Variants in AK9 observed in about 807,000 individuals in gnomAD.
AK9 encodes the protein adenylate kinase domain containing 1.
AK9 carries 191 observed loss-of-function variants against 239.6 expected under a neutral mutation model. That is an observed-to-expected ratio of 0.80 (90% CI 0.71 to 0.90). The LOEUF (loss-of-function observed/expected upper bound fraction) is 0.90, where lower values mean the gene tolerates loss of function less well. AK9 is among the 40% of genes least tolerant of loss of function. AK9 has a pLI of 0.00. For missense variants in AK9, 1,995 were observed against 2,214.7 expected, an observed-to-expected ratio of 0.90 and a Z score of 1.99; for synonymous variants, 689 against 721.0, an observed-to-expected ratio of 0.96 and a Z score of 0.71.
chr6:109,571,524 A>C (rs1787410766), intron 21 of AK9, among the ~76,000 whole-genome samples: 1 of 152,222 alleles, frequency 6.6e-6, no homozygotes, highest in Non-Finnish European at 1.5e-5. Flanking sequence ...AAAAGGAAAT[A>C]CATTAGAATG....
At chr6:109,684,696 A>G (rs1773209727) in intron 1 of AK9, among the ~76,000 whole-genome samples, 1 of 140,600 alleles carries the variant, frequency 7.1e-6, no homozygotes, top group Admixed American at 6.9e-5. Flanking sequence ...AAAATGGTGA[A>G]ACCCCGTCTC....
intron 17 of AK9, among the ~76,000 whole-genome samples, chr6:109,597,542 G>A (rs193004321): frequency 7.4e-4 from 112 of 152,030 alleles, no homozygotes; most frequent in Admixed American, 3.7e-3. Context: ...GTGTGGTGGC[G>A]GGCGCCTGTA....
rs1421916345 is a variant in AK9, at chr6:109,585,143, T to G, written c.2094A>C (p.Lys698Asn). Residue 698 changes from lysine to asparagine, a missense_variant, in exon 19 of 41, where the codon AAA (lysine) becomes AAC (asparagine). Transcript: ENST00000424296. ...ERLLEELQKK[K>N]KEEEEARKAT... ...TTTACCTTGCTTCTTCTTCTTCTTT[T>G]TTTTTCTTTTGTAGTTCTTCTAATA... The G allele has an allele frequency of 8.6e-7, 1 of 1,161,298 alleles. No homozygotes were observed. The highest frequency in any genetic ancestry group is 1.6e-5 in the African/African-American group (1 of 63,180). The allele number at this position is 1,161,298 out of a possible 1,614,324, so 71.9% of individuals were successfully genotyped here.
chr6:109,495,359 A>G lies in AK9; in HGVS notation c.5397T>C (p.Pro1799=). The change falls in exon 39 of 41, where the codon CCT becomes CCC. Residue 1799 remains proline (P), a synonymous_variant. Coordinates refer to ENST00000424296, the MANE Select transcript of AK9 (RefSeq NM_001145128.3). ...LREPILLTSL[P]LPGYLEQGIA... ...GAACCTGTTCCAGATATCCAGGCAAAGGAAGACTAGTAAGAAGTATCGGTT... is the reference window on the plus strand; with the variant it reads ...GAACCTGTTCCAGATATCCAGGCAAGGGAAGACTAGTAAGAAGTATCGGTT... The G allele has an allele frequency of 6.2e-7, 1 of 1,613,480 alleles. No homozygotes were observed. Among genetic ancestry groups the G allele is most frequent in the Non-Finnish European group, 8.5e-7 (1 of 1,179,578 alleles).
intron 1 of AK9, among the ~76,000 whole-genome samples, chr6:109,679,121 T>C (rs1294526528): frequency 6.6e-6 from 1 of 151,872 alleles, no homozygotes; most frequent in Non-Finnish European, 1.5e-5. Flanking sequence ...TTCACTCCCC[T>C]GGAAAGGGGG....
At position 109,564,073 on chromosome 6, in the gene AK9, C is replaced by T. The variant is rs1328300623; in HGVS notation, c.2635+7G>A. ...TTGATAATAAATGTTATGATTAAAGCCCTTACTTTCCATAGTCTCAACTAC... is the reference window on the plus strand; with the variant it reads ...TTGATAATAAATGTTATGATTAAAGTCCTTACTTTCCATAGTCTCAACTAC... On this transcript the variant is annotated splice_region_variant and intron_variant, in intron 23 of 40. Transcript: ENST00000424296. 5 of 1,547,148 alleles carry T rather than the reference C, an allele frequency of 3.2e-6. No individual in the cohort carries two copies. In the Admixed American group the frequency reaches 7.9e-5, roughly 24 times the overall value.
chr6:109,614,327 C>G (rs1414437889), intron 14 of AK9, 31 bp from the exon 15 acceptor site: 5 of 1,549,060 alleles, frequency 3.2e-6, no homozygotes, highest in Non-Finnish European at 4.4e-6. Flanking sequence ...ACTTTATCAG[C>G]TAATCTATTT....
At chr6:109,640,456 C>T (rs1457765576) in intron 10 of AK9, among the ~76,000 whole-genome samples, 2 of 152,180 alleles carry the variant, frequency 1.3e-5, no homozygotes, top group Non-Finnish European at 2.9e-5. Flanking sequence ...CTAACCAGTC[C>T]CAATGAGATG....
At position 109,550,233 on chromosome 6, in the gene AK9, T is replaced by C; in HGVS notation, c.2821A>G (p.Lys941Glu). The change falls in exon 25 of 41, where the codon AAA becomes GAA. Residue 941 changes from lysine (K) to glutamate (E), a missense_variant. Lys to Glu is a moderately conservative substitution (Grantham distance 56). Coordinates refer to ENST00000424296, the MANE Select transcript of AK9 (RefSeq NM_001145128.3). ...CCTGGTTGCAGGATGAAGTTTTCTT[T>C]GAGGACCACCGGACAAAAGTGTTTT... The part of the protein sequence containing the change: ...DTKHFCPVVL[K>E]ENFILQPGNT... 6.2e-7 allele frequency: 1 copy of C among 1,613,492 alleles called. No individual in the cohort carries two copies. Among genetic ancestry groups the C allele is most frequent in the East Asian group, 2.2e-5 (1 of 44,856 alleles).
At chr6:109,605,613 G>C (rs562880335) in intron 17 of AK9, among the ~76,000 whole-genome samples, 1 of 152,238 alleles carries the variant, frequency 6.6e-6, no homozygotes, top group South Asian at 2.1e-4. Flanking sequence ...GAGTAAGAAA[G>C]AGAGAAATGA....
chr6:109,510,785 A>C (rs766526021), intron 32 of AK9, among the ~76,000 whole-genome samples: 1 of 152,244 alleles, frequency 6.6e-6, no homozygotes, highest in African/African-American at 2.4e-5. Flanking sequence ...GTTTCAAGCC[A>C]GAAAAGATCC....
At chr6:109,595,490 C>G (rs929265487) in intron 17 of AK9, among the ~76,000 whole-genome samples, 1 of 152,250 alleles carries the variant, frequency 6.6e-6, no homozygotes, top group Non-Finnish European at 1.5e-5. Context: ...ACCCAGCAAT[C>G]CCATTACTGG....
At chr6:109,582,631 G>C (rs1788995260) in intron 19 of AK9, among the ~76,000 whole-genome samples, 1 of 152,096 alleles carries the variant, frequency 6.6e-6, no homozygotes, top group African/African-American at 2.4e-5. Flanking sequence ...ATCTATTCTT[G>C]GTGAAGATGC....
chr6:109,683,974 C>T (rs574135993), intron 1 of AK9, among the ~76,000 whole-genome samples: 2 of 152,292 alleles, frequency 1.3e-5, no homozygotes, highest in African/African-American at 4.8e-5. Context: ...AAGCTGGAGG[C>T]ATCACGCTAC....
intron 17 of AK9, among the ~76,000 whole-genome samples, chr6:109,598,230 C>A (rs954445599): frequency 6.9e-6 from 1 of 144,366 alleles, no homozygotes; most frequent in East Asian, 2.1e-4. Context: ...CCCCTCCCCC[C>A]ACCCCACAAC....
chr6:109,654,514 A>G (rs1428912161), intron 8 of AK9, among the ~76,000 whole-genome samples: 1 of 151,920 alleles, frequency 6.6e-6, no homozygotes, highest in Non-Finnish European at 1.5e-5. Flanking sequence ...GGATTTTAGT[A>G]GAGATGGGGT....
intron 12 of AK9, among the ~76,000 whole-genome samples, chr6:109,622,987 T>C (rs1795056987): frequency 6.6e-6 from 1 of 152,142 alleles, no homozygotes. Context: ...AGTAATCTTT[T>C]AACTGTTACA....
chr6:109,607,466 C>T (rs2128236244), intron 17 of AK9, among the ~76,000 whole-genome samples: 1 of 152,180 alleles, frequency 6.6e-6, no homozygotes, highest in East Asian at 1.9e-4. Flanking sequence ...TATTTACATA[C>T]CATTTACATT....
intron 17 of AK9, among the ~76,000 whole-genome samples, chr6:109,602,967 A>G (rs185326657): frequency 2.8e-4 from 42 of 152,248 alleles, no homozygotes; most frequent in African/African-American, 9.6e-4. Flanking sequence ...CTAGTTAGCC[A>G]TTCGTCTAAT....
Sources: allele counts gnomAD v4.1 joint callset (sites outside exome capture counted in the v4.1 genomes callset), GRCh38; gene constraint gnomAD v4.1.1; transcripts MANE v1.5; gene names NCBI Gene and HGNC (gene_info 2026-07-23, HGNC 2026-07-21).